ZC3H3: variants seen among roughly 807,000 people sequenced by gnomAD.
The protein encoded by ZC3H3 is zinc finger CCCH domain-containing protein 3.
Under a neutral mutation model 77.3 loss-of-function variants are expected in ZC3H3, and 36 were observed. The observed-to-expected ratio is 0.47, with a 90% CI of 0.36 to 0.61. ZC3H3 has a LOEUF of 0.61. Among genes scored for constraint, ZC3H3 ranks in the 20% least tolerant of loss-of-function variants. The pLI is 0.00. For missense variants in ZC3H3, 1,331 were observed against 1,312.2 expected, an observed-to-expected ratio of 1.01 and a Z score of -0.22; for synonymous variants, 626 against 555.2, an observed-to-expected ratio of 1.13 and a Z score of -1.79.
chr8:143,534,096 C>T (rs566646534), intron 3 of ZC3H3, among the ~76,000 whole-genome samples: 1 of 151,936 alleles, frequency 6.6e-6, no homozygotes, highest in African/African-American at 2.4e-5. Context: ...CCAGCCTAGG[C>T]AACAAAGCAA....
rs1563867405 is a variant in ZC3H3, at chr8:143,507,764, CG to C, written c.1696del (p.Arg566GlyfsTer11). On this transcript the variant is annotated frameshift_variant, in exon 4 of 12. Transcript: ENST00000262577. LOFTEE classifies it high-confidence loss of function. ...FPLSLPSWRA[R>X]RLSLSRSLVL... ...TTCCTACCTGGATAGTGAGAGCCGCCGGGCCCGCCAGGAGGGCAGAGACAGG... is the reference window on the plus strand; with the variant it reads ...TTCCTACCTGGATAGTGAGAGCCGCCGGCCCGCCAGGAGGGCAGAGACAGG... 2 of 1,584,572 alleles carry C rather than the reference CG, an allele frequency of 1.3e-6. No homozygotes were observed. Among genetic ancestry groups the C allele is most frequent in the Non-Finnish European group, 1.7e-6 (2 of 1,166,466 alleles).
intron 3 of ZC3H3, among the ~76,000 whole-genome samples, chr8:143,535,787 C>T (rs1227934531): frequency 1.3e-5 from 2 of 152,246 alleles, no homozygotes; most frequent in Non-Finnish European, 2.9e-5. Context: ...GAGACCAGAC[C>T]AATTCTTTCA....
At chr8:143,521,725 G>A (rs1822248601) in intron 3 of ZC3H3, among the ~76,000 whole-genome samples, 1 of 152,178 alleles carries the variant, frequency 6.6e-6, no homozygotes, top group African/African-American at 2.4e-5. Context: ...CCCCACCAGT[G>A]CACCTGCCTG....
intron 4 of ZC3H3, among the ~76,000 whole-genome samples, chr8:143,485,843 G>C (rs1821037164): frequency 6.6e-6 from 1 of 152,248 alleles, no homozygotes; most frequent in Non-Finnish European, 1.5e-5. Context: ...CAGGAGACCT[G>C]AGTGAAGAAA....
chr8:143,517,327 C>T (rs1285056740), intron 3 of ZC3H3, among the ~76,000 whole-genome samples: 3 of 152,150 alleles, frequency 2.0e-5, no homozygotes, highest in Non-Finnish European at 2.9e-5. Flanking sequence ...CTGCCCTCCA[C>T]GGCTGGAGAA....
intron 9 of ZC3H3, among the ~76,000 whole-genome samples, chr8:143,456,120 C>A: frequency 6.6e-6 from 1 of 151,638 alleles, no homozygotes; most frequent in Non-Finnish European, 1.5e-5. Context: ...TGGAATGTAT[C>A]CCCCACAGAG....
intron 3 of ZC3H3, among the ~76,000 whole-genome samples, chr8:143,515,110 G>A (rs916094712): frequency 3.3e-5 from 5 of 152,204 alleles, no homozygotes; most frequent in African/African-American, 1.2e-4. Flanking sequence ...CGAGAAACAT[G>A]AGGGTCAGTC....
At position 143,538,248 on chromosome 8, in the gene ZC3H3, G is replaced by A. The variant is rs1015667925; in HGVS notation, c.1119C>T (p.Ala373=). 6.2e-7 allele frequency: 1 copy of A among 1,612,902 alleles called. No homozygotes were observed. The highest frequency in any genetic ancestry group is 1.3e-5 in the African/African-American group (1 of 74,936). ...AGGCCTTCCACTTGTACTTGCTGGG[G>A]GCAGACCCTGGCTTGGAGGACGTGG... The part of the protein sequence containing the change: ...KPATSSKPGS[A]PSKYKWKASS... Residue 373 remains alanine, a synonymous_variant, in exon 2 of 12, where the codon GCC becomes GCT. Transcript: ENST00000262577.
At chr8:143,491,957 G>A (rs1017368723) in intron 4 of ZC3H3, among the ~76,000 whole-genome samples, 1 of 152,208 alleles carries the variant, frequency 6.6e-6, no homozygotes, top group African/African-American at 2.4e-5. Context: ...CCACCCCACA[G>A]GCATGTTGCC....
At chr8:143,528,569 G>A (rs1195642847) in intron 3 of ZC3H3, among the ~76,000 whole-genome samples, 1 of 152,236 alleles carries the variant, frequency 6.6e-6, no homozygotes, top group Non-Finnish European at 1.5e-5. Flanking sequence ...CGGGGATCGA[G>A]GCTGGTGGCA....
chr8:143,448,786 C>A (rs1302176053), intron 9 of ZC3H3, among the ~76,000 whole-genome samples: 1 of 152,218 alleles, frequency 6.6e-6, no homozygotes, highest in East Asian at 1.9e-4. Flanking sequence ...GGCTCCAATG[C>A]CACATTTCCC....
chr8:143,463,355 G>C (rs746931354), intron 9 of ZC3H3, among the ~76,000 whole-genome samples: 3 of 152,190 alleles, frequency 2.0e-5, no homozygotes, highest in Non-Finnish European at 4.4e-5. Flanking sequence ...GGTGCTGGGA[G>C]CATCTGGGTG....
chr8:143,470,580 C>T (rs551383704), intron 5 of ZC3H3, among the ~76,000 whole-genome samples: 15 of 152,306 alleles, frequency 9.8e-5, no homozygotes, highest in African/African-American at 3.6e-4. Flanking sequence ...ACTGCTGGTT[C>T]CCAGTCTCTC....
intron 5 of ZC3H3, among the ~76,000 whole-genome samples, chr8:143,471,953 C>T (rs1028740166): frequency 6.6e-6 from 1 of 152,224 alleles, no homozygotes; most frequent in Non-Finnish European, 1.5e-5. Flanking sequence ...GCTGTGGCCT[C>T]GCCTGTCGAC....
intron 3 of ZC3H3, among the ~76,000 whole-genome samples, chr8:143,513,947 C>A (rs1476153430): frequency 2.0e-5 from 3 of 152,152 alleles, no homozygotes; most frequent in South Asian, 2.1e-4. Flanking sequence ...CAGTGTAGCT[C>A]GCCAGGGCTG....
chr8:143,440,865 G>C (rs1819721921), intron 10 of ZC3H3, 71 bp downstream of exon 10: 2 of 1,324,158 alleles, frequency 1.5e-6, no homozygotes, highest in East Asian at 3.0e-5. Flanking sequence ...CAACCAGAGG[G>C]CCCCGGGCAT....
intron 4 of ZC3H3, among the ~76,000 whole-genome samples, chr8:143,477,514 C>G (rs546607603): frequency 6.6e-6 from 1 of 152,346 alleles, no homozygotes; most frequent in Non-Finnish European, 1.5e-5. Context: ...GGTCCCAGTG[C>G]AGCCCCGGCC....
At chr8:143,455,833 C>T (rs775054139) in intron 9 of ZC3H3, among the ~76,000 whole-genome samples, 4 of 151,606 alleles carry the variant, frequency 2.6e-5, no homozygotes, top group Non-Finnish European at 5.9e-5. Flanking sequence ...ATTAGTCAGG[C>T]GTGGTGGTAC....
intron 3 of ZC3H3, among the ~76,000 whole-genome samples, chr8:143,521,943 G>C (rs1331113010): frequency 6.6e-6 from 1 of 152,194 alleles, no homozygotes. Flanking sequence ...GCTGCCATGG[G>C]AGTCCTCCCT....
Sources: allele counts gnomAD v4.1 joint callset (sites outside exome capture counted in the v4.1 genomes callset), GRCh38; gene constraint gnomAD v4.1.1; transcripts MANE v1.5; gene names NCBI Gene and HGNC (gene_info 2026-07-23, HGNC 2026-07-21).